The following PAK1 variants were observed in gnomAD, a reference collection of about 807,000 sequenced individuals.
PAK1 encodes the protein serine/threonine-protein kinase PAK 1.
In PAK1, 29 loss-of-function variants were observed where a neutral mutation model predicts 67.4. That is an observed-to-expected ratio of 0.43 (90% CI 0.32 to 0.59). The LOEUF is 0.59. PAK1 is among the 20% of genes least tolerant of loss of function. The pLI is 0.07. For synonymous variants in PAK1, 223 were observed against 237.4 expected, an observed-to-expected ratio of 0.94 and a Z score of 0.56; for missense variants, 337 against 670.7, an observed-to-expected ratio of 0.50 and a Z score of 5.50.
At chr11:77,340,166 T>C (rs1943369881) in intron 11 of PAK1, among the ~76,000 whole-genome samples, 1 of 152,148 alleles carries the variant, frequency 6.6e-6, no homozygotes, top group African/African-American at 2.4e-5. Context: ...TTATATATCA[T>C]TCAGATGTTT....
intron 1 of PAK1, among the ~76,000 whole-genome samples, chr11:77,435,340 A>G (rs1592463166): frequency 6.6e-6 from 1 of 152,198 alleles, no homozygotes; most frequent in East Asian, 1.9e-4. Context: ...ATCACTATCT[A>G]TATGATCATG....
At chr11:77,450,874 C>T (rs1476156782) in intron 1 of PAK1, among the ~76,000 whole-genome samples, 1 of 152,210 alleles carries the variant, frequency 6.6e-6, no homozygotes, top group African/African-American at 2.4e-5. Flanking sequence ...TACCACAAAA[C>T]CTGCCATCTC....
At chr11:77,472,694 T>G (rs1957922236) in intron 1 of PAK1, among the ~76,000 whole-genome samples, 2 of 152,192 alleles carry the variant, frequency 1.3e-5, no homozygotes, top group African/African-American at 2.4e-5. Flanking sequence ...GGAGGCAAAA[T>G]TAAAGATTGT....
chr11:77,520,579 A>G, the PAK1 span, among the ~76,000 whole-genome samples: 1 of 152,178 alleles, frequency 6.6e-6, no homozygotes, highest in African/African-American at 2.4e-5. Flanking sequence ...CCCCAAGCCC[A>G]ATCCTAAGCC....
At chr11:77,489,423 TCTCTCCCCTCTCCC>T in the PAK1 span, among the ~76,000 whole-genome samples, 26 of 143,184 alleles carry the variant, frequency 1.8e-4, no homozygotes, top group African/African-American at 5.6e-4. Context: ...CTCTCCTCTC[TCTCTCCCCTCTCCC>T]CTCTCCCCTC....
chr11:77,408,369 C>T (rs375488332), intron 1 of PAK1: 2 of 151,914 alleles, frequency 1.3e-5, no homozygotes, highest in South Asian at 2.1e-4. Context: ...TACACACGAT[C>T]GTACGTACCA....
At chr11:77,365,093 A>G (rs1947316495) in intron 5 of PAK1, among the ~76,000 whole-genome samples, 1 of 151,914 alleles carries the variant, frequency 6.6e-6, no homozygotes, top group South Asian at 2.1e-4. Context: ...CTAAAAATAT[A>G]AAAATAAAAT....
At position 77,377,392 on chromosome 11, in the gene PAK1, G is replaced by C. The variant is rs566889166; in HGVS notation, c.439+1849C>G. On this transcript the variant is annotated intron_variant, in intron 4 of 14. Coordinates refer to ENST00000356341, the MANE Select transcript of PAK1 (RefSeq NM_002576.5). ...TATACCAAATATGCAATTTTGCCTA[G>C]AGTTGGCCCTAGTCTTCAACTTATA... Among the ~76,000 whole-genome samples, 44 of 152,254 alleles carry C rather than the reference G, an allele frequency of 2.9e-4. No individual in the cohort carries two copies. In the South Asian group the frequency reaches 6.0e-3, roughly 21 times the overall value.
chr11:77,322,664 G>C lies in PAK1; in HGVS notation c.*610C>G, dbSNP rs1411410442. 1 of 245,362 alleles carries C rather than the reference G, an allele frequency of 4.1e-6. No individual in the cohort carries two copies. Among genetic ancestry groups the C allele is most frequent in the East Asian group, 6.4e-5 (1 of 15,702 alleles). 15.2% of individuals were successfully genotyped at this position (245,362 alleles called of 1,614,324 possible). A position where few individuals can be genotyped will look rare whatever the true frequency, so the allele number is the denominator to read the frequency against. On this transcript the variant is annotated 3_prime_UTR_variant, in exon 15 of 15. Transcript: ENST00000356341. ...CAGCATGGGAACACTATTGGGTCAA[G>C]GTCCTCCCGAACAGCTGCTAGAAGC...
intron 1 of PAK1, among the ~76,000 whole-genome samples, chr11:77,444,279 A>G (rs1243842665): frequency 7.2e-6 from 1 of 139,068 alleles, no homozygotes; most frequent in East Asian, 2.0e-4. Flanking sequence ...GTAAACCTGG[A>G]GAGCTCTAAA....
intron 1 of PAK1, among the ~76,000 whole-genome samples, chr11:77,457,157 T>C (rs534860937): frequency 1.8e-4 from 28 of 152,332 alleles, no homozygotes; most frequent in African/African-American, 6.5e-4. Context: ...CAGGATTCAA[T>C]GTTAGGTCAG....
At chr11:77,512,110 C>T in the PAK1 span, among the ~76,000 whole-genome samples, 1 of 152,150 alleles carries the variant, frequency 6.6e-6, no homozygotes, top group African/African-American at 2.4e-5. Context: ...GGAAAGCAGG[C>T]CACTGCCTCC....
chr11:77,384,589 T>C (rs1456300144), intron 2 of PAK1, among the ~76,000 whole-genome samples: 7 of 152,178 alleles, frequency 4.6e-5, no homozygotes, highest in Admixed American at 2.0e-4. Flanking sequence ...GAAGTCCTGA[T>C]CCATGCTACA....
rs185339590 is a variant in PAK1 at position 77,428,377 on chromosome 11, C to T, written c.-21-35836G>A. ...GGGAGATCGAGACCATCCTGGCTAGCGCGGTGAAACCCCGTTGCTACTAAA... is the reference window on the plus strand; with the variant it reads ...GGGAGATCGAGACCATCCTGGCTAGTGCGGTGAAACCCCGTTGCTACTAAA... On this transcript the variant is annotated intron_variant, in intron 1 of 14. Coordinates refer to ENST00000356341, the MANE Select transcript of PAK1 (RefSeq NM_002576.5). Among the ~76,000 whole-genome samples, 572 of 151,970 alleles carry T rather than the reference C, an allele frequency of 3.8e-3. 6 individuals carry two copies. Among genetic ancestry groups the T allele is most frequent in the African/African-American group, 0.013 (533 of 41,428 alleles).
chr11:77,340,696 C>A lies in PAK1; in HGVS notation c.1066G>T (p.Val356Leu). 1.2e-6 allele frequency: 2 copies of A among 1,612,360 alleles called. No individual in the cohort carries two copies. Among genetic ancestry groups the A allele is most frequent in the Non-Finnish European group, 1.7e-6 (2 of 1,178,340 alleles). The stretch of plus-strand genomic sequence containing the variant: ...CCTTCATCCATGCAAGTTTCTGTCA[C>A]CACATCTGTCAAGGAGCCTCCAGCC... ...YLAGGSLTDV[V>L]TETCMDEGQI... Residue 356 changes from valine (V) to leucine (L), a missense_variant, in exon 11 of 15, where the codon GTG becomes TTG. Transcript: ENST00000356341.
chr11:77,524,908 C>G, the PAK1 span, among the ~76,000 whole-genome samples: 3 of 152,194 alleles, frequency 2.0e-5, no homozygotes, highest in Non-Finnish European at 4.4e-5. Context: ...TATATCCAAA[C>G]TAACCATTTG....
chr11:77,526,439 C>A, the PAK1 span, among the ~76,000 whole-genome samples: 1 of 152,066 alleles, frequency 6.6e-6, no homozygotes, highest in African/African-American at 2.4e-5. Context: ...CACCAGGGAG[C>A]AAAGGCATAA....
In PAK1 at chr11:77,343,869, G is replaced by A; in HGVS notation, c.948C>T (p.Ile316=). 1 of 1,613,392 alleles carries A rather than the reference G, an allele frequency of 6.2e-7. No homozygotes were observed. Among genetic ancestry groups the A allele is most frequent in the Non-Finnish European group, 8.5e-7 (1 of 1,179,412 alleles). Residue 316 remains isoleucine (I), a synonymous_variant, in exon 10 of 15, where the codon ATC becomes ATT. Transcript: ENST00000356341. ...GGTTCTTGTTTTCCCTCATGACCAG[G>A]ATCTCATTAATAATCAGCTCTTTCT... The part of the protein sequence containing the change: ...QPKKELIINE[I]LVMRENKNPN...
intron 13 of PAK1, among the ~76,000 whole-genome samples, chr11:77,333,556 T>C (rs1030030972): frequency 5.3e-5 from 8 of 152,170 alleles, no homozygotes; most frequent in Admixed American, 5.2e-4. Context: ...CCTGTTGAGT[T>C]AAACATCTGC....
Sources: gnomAD v4.1 joint callset for allele counts (sites outside exome capture counted in the v4.1 genomes callset) on GRCh38, gnomAD v4.1.1 for gene constraint, MANE v1.5 for transcripts, NCBI Gene and HGNC (gene_info 2026-07-23, HGNC 2026-07-21) for gene names.